DNAJC13: variants seen among roughly 807,000 people sequenced by gnomAD.
The protein encoded by DNAJC13 is dnaJ homolog subfamily C member 13.
In DNAJC13, 75 loss-of-function variants were observed where a neutral mutation model predicts 290.5. That is an observed-to-expected ratio of 0.26 (90% CI 0.21 to 0.31). The LOEUF is 0.31. Ranked by LOEUF, DNAJC13 falls within the 10% of genes least tolerant of loss-of-function variation. The pLI is 1.00. For missense variants in DNAJC13, 2,260 were observed against 2,674.5 expected (o/e 0.85, Z 3.42); for synonymous variants, 862 against 892.0 (o/e 0.97, Z 0.60).
At chr3:132,456,432 C>G in intron 10 of DNAJC13, 31 bp downstream of exon 10, 1 of 1,609,690 alleles carries the variant, frequency 6.2e-7, no homozygotes, top group East Asian at 2.2e-5. Context: ...AATTACATTT[C>G]CACTCATCTA....
intron 33 of DNAJC13, among the ~76,000 whole-genome samples, chr3:132,493,177 C>CA (rs148471492): frequency 0.12 from 17,849 of 151,886 alleles, 1,089 homozygotes; most frequent in South Asian, 0.14. Context: ...GCGACCTGCT[C>CA]ATTGTAAAAC....
At chr3:132,447,802 C>A (rs1933300125) in intron 4 of DNAJC13, 96 bp from the exon 5 acceptor site, 2 of 945,328 alleles carry the variant, frequency 2.1e-6, no homozygotes, top group Admixed American at 4.6e-5. Context: ...TCCAGGTTAC[C>A]AAGTCAGGAT....
rs373679455 is a variant in DNAJC13 at position 132,479,224 on chromosome 3, T to C, written c.2710-3T>C. The C allele has an allele frequency of 1.3e-6, 2 of 1,593,188 alleles. No homozygotes were observed. The highest frequency in any genetic ancestry group is 1.3e-5 in the African/African-American group (1 of 74,432). ...CTGACCAGATTCTCATTTATTTCAA[T>C]AGTGCACAGATAAACTTGAACGAGA... On this transcript the variant is annotated splice_region_variant and splice_polypyrimidine_tract_variant and intron_variant, in intron 24 of 55. Coordinates refer to ENST00000260818, the MANE Select transcript of DNAJC13 (RefSeq NM_015268.4).
At chr3:132,451,201 C>G (rs576237579) in intron 6 of DNAJC13, among the ~76,000 whole-genome samples, 1 of 152,250 alleles carries the variant, frequency 6.6e-6, no homozygotes, top group Admixed American at 6.5e-5. Flanking sequence ...GCAGCTCACA[C>G]CTATAATCCC....
chr3:132,456,920 G>C, intron 12 of DNAJC13, 88 bp downstream of exon 12: 1 of 1,387,466 alleles, frequency 7.2e-7, no homozygotes, highest in Non-Finnish European at 9.9e-7. Flanking sequence ...CCTTTTCCTT[G>C]ACTAAACCAG....
In DNAJC13 at chr3:132,422,226, G is replaced by A. The variant is rs940656358; in HGVS notation, c.-14+4466G>A. On this transcript the variant is annotated intron_variant, in intron 1 of 55. Coordinates refer to ENST00000260818, the MANE Select transcript of DNAJC13 (RefSeq NM_015268.4). ...TATTATTATTATTTTTAGTAGAGAC[G>A]AGGTCTCACTATGTTGCCCAGGCTA... Among the ~76,000 whole-genome samples, 6 of 150,496 alleles carry A rather than the reference G, an allele frequency of 4.0e-5. No individual in the cohort carries two copies. In the East Asian group the frequency reaches 5.9e-4, roughly 15 times the overall value.
chr3:132,445,747 T>C (rs969335692), intron 2 of DNAJC13, among the ~76,000 whole-genome samples: 18 of 152,130 alleles, frequency 1.2e-4, no homozygotes, highest in Admixed American at 1.2e-3. Flanking sequence ...GTTTTATATA[T>C]ACTAATGTTT....
chr3:132,473,297 C>G (rs564988887), intron 21 of DNAJC13, 70 bp downstream of exon 21: 13 of 1,047,366 alleles, frequency 1.2e-5, no homozygotes, highest in Non-Finnish European at 1.6e-5. Context: ...ATGACACGTT[C>G]TTCTTCCCTG....
chr3:132,487,000 C>T (rs528722712), intron 29 of DNAJC13, among the ~76,000 whole-genome samples: 3 of 152,008 alleles, frequency 2.0e-5, no homozygotes, highest in East Asian at 1.9e-4. Context: ...CACTAATTTC[C>T]GTAATGTCAA....
intron 31 of DNAJC13, 27 bp from the exon 32 acceptor site, chr3:132,490,870 T>G: frequency 6.7e-7 from 1 of 1,497,150 alleles, no homozygotes; most frequent in South Asian, 1.4e-5. Context: ...TGTTTTTGAC[T>G]ACCTTTTGTT....
rs1255469227 is a variant in DNAJC13, at chr3:132,462,467, C to T, written c.1714C>T (p.His572Tyr). Residue 572 changes from histidine to tyrosine, a missense_variant and splice_region_variant, in exon 16 of 56, where the codon CAT becomes TAT. Coordinates refer to ENST00000260818, the MANE Select transcript of DNAJC13 (RefSeq NM_015268.4). ...ATACTTTTTCCCCCTCACTTTAAAGCATCCTTCCATGGCAATAATAAAAGG... is the reference window on the plus strand; with the variant it reads ...ATACTTTTTCCCCCTCACTTTAAAGTATCCTTCCATGGCAATAATAAAAGG... Reference protein sequence around the residue: ...NGRTLFKLFQHPSMAIIKGAG... With the variant: ...NGRTLFKLFQYPSMAIIKGAG... 1.2e-6 allele frequency: 2 copies of T among 1,608,714 alleles called. No homozygotes were observed. The highest frequency in any genetic ancestry group is 1.7e-5 in the Admixed American group (1 of 59,150).
intron 19 of DNAJC13, among the ~76,000 whole-genome samples, chr3:132,466,808 C>T (rs76381165): frequency 0.093 from 14,113 of 151,932 alleles, 824 homozygotes; most frequent in South Asian, 0.14. Context: ...GGGTTTTTTT[C>T]CTTACAAGAT....
intron 48 of DNAJC13, among the ~76,000 whole-genome samples, chr3:132,522,418 A>C (rs1277059333): frequency 6.6e-6 from 1 of 152,194 alleles, no homozygotes; most frequent in Non-Finnish European, 1.5e-5. Flanking sequence ...GAATGAGAAA[A>C]ATTAGTTTGT....
chr3:132,442,129 TAAAA>T (rs35160310), intron 2 of DNAJC13, among the ~76,000 whole-genome samples: 1 of 143,772 alleles, frequency 7.0e-6, no homozygotes, highest in East Asian at 2.0e-4. Flanking sequence ...TGCCATATGT[TAAAA>T]AAAAAAAAAA....
intron 9 of DNAJC13, among the ~76,000 whole-genome samples, chr3:132,455,678 C>T (rs2107668642): frequency 6.6e-6 from 1 of 152,296 alleles, no homozygotes; most frequent in Non-Finnish European, 1.5e-5. Flanking sequence ...ATACATGCAA[C>T]AACTTGGATG....
In DNAJC13 at chr3:132,487,559, A is replaced by ATTTTTTTTT. The variant is rs10663131; in HGVS notation, c.3268-727_3268-719dup. Among the ~76,000 whole-genome samples the ATTTTTTTTT allele has an allele frequency of 6.3e-3, 693 of 110,416 alleles. 105 individuals are homozygous for ATTTTTTTTT. The highest frequency in any genetic ancestry group is 0.033 in the African/African-American group (610 of 18,766). 72.4% of individuals were successfully genotyped at this position (110,416 alleles called of 152,430 possible). ...GCGTGAGCCACCATGCCTGGCTGTA[A>ATTTTTTTTT]TTTTTTTTTTTTTTTTTTTTACTGG... On this transcript the variant is annotated intron_variant, in intron 29 of 55. Transcript: ENST00000260818.
chr3:132,469,971 T>TC (rs1170922959), intron 20 of DNAJC13, among the ~76,000 whole-genome samples: 1 of 47,794 alleles, frequency 2.1e-5, no homozygotes, highest in African/African-American at 1.1e-4. Context: ...TTCTTTTTTT[T>TC]TTTTTTTTTT....
chr3:132,449,925 C>T (rs547297113), intron 5 of DNAJC13, among the ~76,000 whole-genome samples: 25 of 152,188 alleles, frequency 1.6e-4, no homozygotes, highest in African/African-American at 6.0e-4. Flanking sequence ...TCTTCCGTAT[C>T]GCATCATTTT....
At chr3:132,428,944 A>G (rs756376393) in intron 1 of DNAJC13, among the ~76,000 whole-genome samples, 1 of 151,944 alleles carries the variant, frequency 6.6e-6, no homozygotes, top group Non-Finnish European at 1.5e-5. Context: ...CATGTTAGCC[A>G]GGCTGGTCTC....
Sources: gnomAD v4.1 joint callset for allele counts (sites outside exome capture counted in the v4.1 genomes callset) on GRCh38, gnomAD v4.1.1 for gene constraint, MANE v1.5 for transcripts, NCBI Gene and HGNC (gene_info 2026-07-23, HGNC 2026-07-21) for gene names.